MAP7D2: variants seen among roughly 807,000 people sequenced by gnomAD.
MAP7D2 encodes the protein MAP7 domain-containing protein 2.
Under a neutral mutation model 63.5 loss-of-function variants are expected in MAP7D2, and 33 were observed. The ratio of observed to expected loss-of-function variants is 0.52; its 90% CI spans 0.39 to 0.70. The LOEUF (loss-of-function observed/expected upper bound fraction) is 0.70, where lower values mean the gene tolerates loss of function less well. MAP7D2 is among the 30% of genes least tolerant of loss of function. The pLI, the probability that MAP7D2 is intolerant of heterozygous loss-of-function variation, is 0.00. For synonymous variants in MAP7D2, 224 were observed against 223.7 expected, an observed-to-expected ratio of 1.00 and a Z score of -0.01; for missense variants, 626 against 604.0, an observed-to-expected ratio of 1.04 and a Z score of -0.38.
In MAP7D2 at chrX:20,095,210, TTTTG is replaced by T. The variant is rs750423835; in HGVS notation, c.130+21536_130+21539del. ...TTATATCTCAACAATGATTTTAAGG[TTTTG>T]TTTGTTTGTTTGTTTGTTTGTTTGT... On this transcript the variant is annotated intron_variant, in intron 1 of 16. Coordinates refer to ENST00000379643, the MANE Select transcript of MAP7D2 (RefSeq NM_001168465.2). Among the ~76,000 whole-genome samples the T allele has an allele frequency of 3.5e-3, 386 of 111,263 alleles. 2 individuals carry two copies. Among genetic ancestry groups the T allele is most frequent in the Middle Eastern group, 0.018 (4 of 218 alleles).
chrX:20,031,326 TAAAA>T (rs2074043733), intron 8 of MAP7D2, among the ~76,000 whole-genome samples: 1 of 106,563 alleles, frequency 9.4e-6, no homozygotes, highest in Non-Finnish European at 1.9e-5. Flanking sequence ...TAAAATAAAA[TAAAA>T]TAAAATAAAA....
At chrX:20,070,097 C>T (rs979503666) in intron 1 of MAP7D2, among the ~76,000 whole-genome samples, 1 of 110,383 alleles carries the variant, frequency 9.1e-6, no homozygotes, top group African/African-American at 3.3e-5. Flanking sequence ...TATAGGCATG[C>T]GCCACCACGC....
chrX:20,106,931 G>A (rs2066584314), intron 1 of MAP7D2, among the ~76,000 whole-genome samples: 1 of 108,498 alleles, frequency 9.2e-6, no homozygotes, highest in South Asian at 4.1e-4. Flanking sequence ...GCAGTGAGCT[G>A]TGATGGCAGC....
intron 1 of MAP7D2, among the ~76,000 whole-genome samples, chrX:20,080,156 T>A (rs1278087160): frequency 9.0e-6 from 1 of 110,859 alleles, no homozygotes; most frequent in Admixed American, 9.7e-5. Context: ...CATATTCTAT[T>A]CACAGCATGA....
At chrX:20,035,371 G>C (rs1255655636) in intron 8 of MAP7D2, among the ~76,000 whole-genome samples, 2 of 111,761 alleles carry the variant, frequency 1.8e-5, no homozygotes, top group Non-Finnish European at 3.8e-5. Context: ...AATAGGGACT[G>C]TTCTCACTCA....
chrX:20,112,028 T>G (rs1167544153), intron 1 of MAP7D2, among the ~76,000 whole-genome samples: 1 of 111,992 alleles, frequency 8.9e-6, no homozygotes, highest in Non-Finnish European at 1.9e-5. Context: ...GGCCTCAGCC[T>G]CCTGAAGTGC....
intron 7 of MAP7D2, among the ~76,000 whole-genome samples, chrX:20,043,534 C>T (rs1156605805): frequency 3.6e-5 from 4 of 111,517 alleles, no homozygotes; most frequent in African/African-American, 1.3e-4. Flanking sequence ...TGCCAACAGC[C>T]ATGAATGAGC....
chrX:20,034,248 A>C (rs1232143220), intron 8 of MAP7D2, among the ~76,000 whole-genome samples: 3 of 104,992 alleles, frequency 2.9e-5, no homozygotes, highest in East Asian at 3.0e-4. Flanking sequence ...AAAAAAAAAA[A>C]AAAACAGAAT....
Position 20,085,233 on chromosome X carries a change from G to T in MAP7D2, c.131-20428C>A, listed in dbSNP as rs151283043. Among the ~76,000 whole-genome samples the T allele has an allele frequency of 4.8e-3, 536 of 111,987 alleles. 3 individuals are homozygous for T. Among genetic ancestry groups the T allele is most frequent in the African/African-American group, 0.017 (524 of 30,820 alleles). On this transcript the variant is annotated intron_variant, in intron 1 of 16. Transcript: ENST00000379643. ...TATTGAGTCTTACAACAAATATCCT[G>T]CCTACTTACTGTGGGCACAGGAAAG...
intron 6 of MAP7D2, chrX:20,049,876 T>C (rs774555486): frequency 3.1e-6 from 1 of 320,504 alleles, no homozygotes; most frequent in South Asian, 2.8e-5. Flanking sequence ...ATTCTAGTCA[T>C]CCTAGTGGGT....
intron 15 of MAP7D2, 50 bp downstream of exon 15, chrX:20,012,299 G>T: frequency 1.0e-6 from 1 of 955,038 alleles, no homozygotes; most frequent in East Asian, 3.3e-5. Flanking sequence ...AAAAGAAAGG[G>T]TAGTGTTTCG....
intron 1 of MAP7D2, among the ~76,000 whole-genome samples, chrX:20,116,017 TCA>T (rs1049128760): frequency 5.3e-5 from 6 of 112,965 alleles, no homozygotes; most frequent in African/African-American, 1.9e-4. Context: ...CCAAATGTCC[TCA>T]CAGTCTCCTC....
intron 6 of MAP7D2, chrX:20,049,802 A>G (rs1252490831): frequency 3.1e-6 from 1 of 318,786 alleles, no homozygotes; most frequent in Admixed American, 3.3e-5. Flanking sequence ...TCCCACCAGC[A>G]GTGTGTGAGG....
Position 20,063,594 on chromosome X carries a change from G to C in MAP7D2, c.209-17C>G, listed in dbSNP as rs2065276421. 8.3e-7 allele frequency: 1 copy of C among 1,205,218 alleles called. No individual in the cohort carries two copies. The highest frequency in any genetic ancestry group is 1.1e-6 in the Non-Finnish European group (1 of 892,481). On this transcript the variant is annotated splice_polypyrimidine_tract_variant and intron_variant, in intron 2 of 16. Transcript: ENST00000379643. ...CCCGAGCAGCTGGGGAAGGAAAGTAGAAGAGAGGTGTCATTACCAGAGCAT... is the reference window on the plus strand; with the variant it reads ...CCCGAGCAGCTGGGGAAGGAAAGTACAAGAGAGGTGTCATTACCAGAGCAT...
At chrX:20,076,351 G>C (rs1388374457) in intron 1 of MAP7D2, among the ~76,000 whole-genome samples, 1 of 111,727 alleles carries the variant, frequency 9.0e-6, no homozygotes, top group Admixed American at 9.6e-5. Context: ...TAGGAATTAA[G>C]TTCAATAACT....
chrX:20,060,416 AAGAGAG>A (rs201124124), intron 3 of MAP7D2, among the ~76,000 whole-genome samples: 11 of 85,947 alleles, frequency 1.3e-4, no homozygotes, highest in South Asian at 5.8e-4. Context: ...AAGAAAAGAA[AAGAGAG>A]AGAGAGAGAG....
intron 16 of MAP7D2, 76 bp from the exon 17 acceptor site, chrX:20,008,474 C>G (rs756798314): frequency 6.2e-5 from 7 of 112,324 alleles, no homozygotes; most frequent in African/African-American, 1.3e-4. Flanking sequence ...GCACTATTCT[C>G]TCACTAAAAC....
chrX:20,034,362 C>G (rs951430071), intron 8 of MAP7D2, among the ~76,000 whole-genome samples: 3 of 110,194 alleles, frequency 2.7e-5, no homozygotes, highest in Admixed American at 9.7e-5. Flanking sequence ...AGGGCAAAGT[C>G]CTTGAGCAGG....
At chrX:20,044,336 G>A (rs940258483) in intron 7 of MAP7D2, 28 bp downstream of exon 7, 11 of 1,198,636 alleles carry the variant, frequency 9.2e-6, no homozygotes, top group Non-Finnish European at 1.2e-5. Context: ...GTCTAGAGGA[G>A]TGAGTGGGTG....
Sources: allele counts gnomAD v4.1 joint callset (sites outside exome capture counted in the v4.1 genomes callset), GRCh38; gene constraint gnomAD v4.1.1; transcripts MANE v1.5; gene names NCBI Gene and HGNC (gene_info 2026-07-23, HGNC 2026-07-21).